IL17RD: variants seen among roughly 807,000 people sequenced by gnomAD.
IL17RD encodes the protein interleukin 17 receptor D.
IL17RD carries 52 observed loss-of-function variants against 80.5 expected under a neutral mutation model. The ratio of observed to expected loss-of-function variants is 0.65; its 90% confidence interval spans 0.52 to 0.81. IL17RD has a LOEUF of 0.81. Among genes scored for constraint, IL17RD ranks in the 40% least tolerant of loss-of-function variants. The probability of loss-of-function intolerance (pLI) is 0.00; values close to 1 mark genes in which losing one functional copy is unlikely to be tolerated. For missense variants in IL17RD, 1,024 were observed against 955.1 expected (o/e 1.07, Z -0.95); for synonymous variants, 416 against 391.8 (o/e 1.06, Z -0.73).
In IL17RD at chr3:57,162,022, T is replaced by C. The variant is rs75693419; in HGVS notation, c.126+3139A>G. Among the ~76,000 whole-genome samples, 141 of 152,346 alleles carry C rather than the reference T, an allele frequency of 9.3e-4. 5 individuals are homozygous for C. In the East Asian group the frequency reaches 0.021, roughly 23 times the overall value. On this transcript the variant is annotated intron_variant, in intron 1 of 12. Coordinates refer to ENST00000296318, the MANE Select transcript of IL17RD (RefSeq NM_017563.5). ...GTTCAAGATGGTATCAGCCTCTTAA[T>C]TGCCCCACTAATAATGGGGAGGTTG...
At chr3:57,119,543 AAAGAAAAGAG>A (rs1412184985) in intron 2 of IL17RD, among the ~76,000 whole-genome samples, 1 of 152,038 alleles carries the variant, frequency 6.6e-6, no homozygotes, top group Non-Finnish European at 1.5e-5. Flanking sequence ...AAGAAAAAGA[AAAGAAAAGAG>A]AAAAGAACTG....
chr3:57,166,250 T>A (rs2060347683), upstream of IL17RD, among the ~76,000 whole-genome samples: 1 of 152,196 alleles, frequency 6.6e-6, no homozygotes, highest in African/African-American at 2.4e-5. Context: ...TCCTCAAGAA[T>A]ACCACCTCCT....
chr3:57,102,432 C>G, intron 10 of IL17RD, 47 bp downstream of exon 10: 1 of 1,098,960 alleles, frequency 9.1e-7, no homozygotes, highest in Non-Finnish European at 1.3e-6. Flanking sequence ...GGCAGCACCC[C>G]CTGGCCTGCC....
chr3:57,131,988 C>G (rs1707618815), intron 1 of IL17RD, among the ~76,000 whole-genome samples: 4 of 151,940 alleles, frequency 2.6e-5, no homozygotes, highest in South Asian at 2.1e-4. Flanking sequence ...GAGTTTAAGA[C>G]CAGCCTGGGC....
intron 1 of IL17RD, among the ~76,000 whole-genome samples, chr3:57,138,725 T>C (rs751028613): frequency 6.6e-5 from 10 of 151,888 alleles, no homozygotes; most frequent in Non-Finnish European, 1.3e-4. Context: ...CACCTGAGGT[T>C]GGGAGCTCGA....
chr3:57,170,057 C>A (rs921684097), upstream of IL17RD, among the ~76,000 whole-genome samples: 2 of 152,184 alleles, frequency 1.3e-5, no homozygotes, highest in Non-Finnish European at 2.9e-5. Context: ...GCTGATTCCT[C>A]CAGACTCTTC....
rs957066429 is a variant in IL17RD at position 57,109,546 on chromosome 3, T to A, written c.541A>T (p.Arg181Ter). 6.2e-7 allele frequency: 1 copy of A among 1,613,580 alleles called. No homozygotes were observed. Among genetic ancestry groups the A allele is most frequent in the African/African-American group, 1.3e-5 (1 of 74,896 alleles). Reference protein sequence around the residue: ...NESNYHPFFFRTRACDLLLQP... With the variant: ...NESNYHPFFF ...GAAAGGCCATACTCACCTCGGGTTCTAAAGAAGAAAGGGTGGTAATTGCTT... is the reference window on the plus strand; with the variant it reads ...GAAAGGCCATACTCACCTCGGGTTCAAAAGAAGAAAGGGTGGTAATTGCTT... The change falls in exon 5 of 13, where the codon AGA becomes TGA. Residue 181 changes from arginine to a stop codon, truncating the protein, a stop_gained. Coordinates refer to ENST00000296318, the MANE Select transcript of IL17RD (RefSeq NM_017563.5). LOFTEE classifies it high-confidence loss of function.
intron 1 of IL17RD, 194 bp downstream of exon 1, chr3:57,164,967 T>C: frequency 1.5e-6 from 2 of 1,318,124 alleles, no homozygotes; most frequent in Non-Finnish European, 9.6e-7. Flanking sequence ...GCCGCTTTCA[T>C]CTCGGCCAGG....
intron 11 of IL17RD, among the ~76,000 whole-genome samples, chr3:57,098,818 AG>A (rs1233264226): frequency 6.6e-6 from 1 of 152,246 alleles, no homozygotes; most frequent in Non-Finnish European, 1.5e-5. Flanking sequence ...AGGGGACAGA[AG>A]CGCAGTGCTT....
intron 1 of IL17RD, among the ~76,000 whole-genome samples, chr3:57,122,543 G>A (rs912401338): frequency 3.9e-5 from 6 of 152,166 alleles, no homozygotes; most frequent in African/African-American, 1.2e-4. Context: ...CTGTGCATAC[G>A]AGGGATCTAG....
intron 1 of IL17RD, among the ~76,000 whole-genome samples, chr3:57,129,986 C>T (rs1035179886): frequency 5.3e-5 from 8 of 152,204 alleles, no homozygotes; most frequent in African/African-American, 1.9e-4. Context: ...CATTAGTAGC[C>T]CACCTCAGGC....
chr3:57,141,488 T>C (rs1707827665), intron 1 of IL17RD, among the ~76,000 whole-genome samples: 2 of 152,262 alleles, frequency 1.3e-5, no homozygotes, highest in African/African-American at 4.8e-5. Flanking sequence ...TGTTCTCTAA[T>C]GTATTGTTTG....
chr3:57,159,926 C>T (rs779825928), intron 1 of IL17RD, among the ~76,000 whole-genome samples: 7 of 152,206 alleles, frequency 4.6e-5, no homozygotes, highest in African/African-American at 7.2e-5. Flanking sequence ...AATCCCAGCA[C>T]TTTGGGAGGC....
intron 1 of IL17RD, among the ~76,000 whole-genome samples, chr3:57,129,523 AAT>A (rs1331359267): frequency 6.6e-6 from 1 of 152,160 alleles, no homozygotes; most frequent in African/African-American, 2.4e-5. Context: ...TGAGTCTCCA[AAT>A]ACTAAGCCAC....
intron 12 of IL17RD, among the ~76,000 whole-genome samples, chr3:57,097,310 T>C (rs2107460786): frequency 6.6e-6 from 1 of 152,334 alleles, no homozygotes; most frequent in Non-Finnish European, 1.5e-5. Flanking sequence ...TCGTGTCTGA[T>C]GTTTTTGGAG....
At chr3:57,119,724 T>C (rs1040291116) in intron 2 of IL17RD, among the ~76,000 whole-genome samples, 2 of 150,156 alleles carry the variant, frequency 1.3e-5, no homozygotes, top group African/African-American at 4.9e-5. Flanking sequence ...AGATTCACTC[T>C]GTGTGAAATT....
rs574319723 is a variant in IL17RD, at chr3:57,120,307, C to T, written c.133G>A (p.Gly45Arg). 18 of 1,613,298 alleles carry T rather than the reference C, an allele frequency of 1.1e-5. No individual in the cohort carries two copies. The Admixed American group carries it at 3.0e-4, about 27-fold the overall frequency. The part of the protein sequence containing the change: ...GADTCGWRGV[G>R]PASRNSGLYN... ...AGCCCACTGTTTCTGCTGGCTGGCC[C>T]CACTCCCTGTGGGAAAACAAGAGAA... is the stretch of plus-strand genomic sequence containing the variant. Residue 45 changes from glycine to arginine, a missense_variant, in exon 2 of 13, where the codon GGG (glycine) becomes AGG (arginine). Transcript: ENST00000296318.
At chr3:57,102,011 GCATGA>G (rs1354867446) in intron 10 of IL17RD, among the ~76,000 whole-genome samples, 3 of 37,610 alleles carry the variant, frequency 8.0e-5, no homozygotes, top group Non-Finnish European at 2.4e-4. Flanking sequence ...TGTAATCCCA[GCATGA>G]GAGGGAGGCT....
intron 1 of IL17RD, among the ~76,000 whole-genome samples, chr3:57,127,413 T>TATATATATA (rs1491388109): frequency 1.5e-5 from 1 of 66,096 alleles, no homozygotes; most frequent in African/African-American, 7.5e-5. Context: ...TATATATATA[T>TATATATATA]TTTTTTTTTG....
Sources: gnomAD v4.1 joint callset for allele counts (sites outside exome capture counted in the v4.1 genomes callset) on GRCh38, gnomAD v4.1.1 for gene constraint, MANE v1.5 for transcripts, NCBI Gene and HGNC (gene_info 2026-07-23, HGNC 2026-07-21) for gene names.